Variants in TENM2 observed in about 807,000 individuals in gnomAD.
The protein encoded by TENM2 is teneurin-2.
Under a neutral mutation model 245.2 loss-of-function variants are expected in TENM2, and 52 were observed. The ratio of observed to expected loss-of-function variants is 0.21; its 90% CI spans 0.17 to 0.27. The LOEUF is 0.27. Ranked by LOEUF, TENM2 falls within the 10% of genes least tolerant of loss-of-function variation. The probability of loss-of-function intolerance (pLI) is 1.00; values close to 1 mark genes in which losing one functional copy is unlikely to be tolerated. For missense variants in TENM2, 3,046 were observed against 3,666.8 expected (o/e 0.83, Z 4.37); for synonymous variants, 1,363 against 1,438.9 (o/e 0.95, Z 1.19).
the TENM2 span, among the ~76,000 whole-genome samples, chr5:167,209,198 G>T: frequency 6.6e-6 from 1 of 152,052 alleles, no homozygotes; most frequent in Non-Finnish European, 1.5e-5. Flanking sequence ...ATAAATGAAA[G>T]AATGCGTATG....
chr5:167,437,255 G>T (rs575489349), intron 2 of TENM2, among the ~76,000 whole-genome samples: 2 of 152,316 alleles, frequency 1.3e-5, no homozygotes, highest in East Asian at 3.9e-4. Context: ...GCGAGACTTG[G>T]AATCAAAGGA....
At chr5:167,561,897 AAGAGAGAC>A (rs964668436) in intron 2 of TENM2, among the ~76,000 whole-genome samples, 3 of 152,236 alleles carry the variant, frequency 2.0e-5, no homozygotes, top group South Asian at 2.1e-4. Flanking sequence ...TAAAAATAAA[AAGAGAGAC>A]AGAGAGACAG....
intron 25 of TENM2, chr5:168,240,998 C>A (rs1021643848): frequency 2.2e-4 from 33 of 152,256 alleles, no homozygotes; most frequent in Admixed American, 2.2e-3. Flanking sequence ...GAAGACCTAT[C>A]TTTCTGACCA....
chr5:167,695,685 A>G (rs1283571318), intron 2 of TENM2, among the ~76,000 whole-genome samples: 2 of 151,816 alleles, frequency 1.3e-5, no homozygotes, highest in Non-Finnish European at 2.9e-5. Context: ...TTTACCCTCT[A>G]TCTGTGGCTA....
At chr5:167,863,436 GA>G (rs1561869290) in intron 2 of TENM2, among the ~76,000 whole-genome samples, 2 of 150,468 alleles carry the variant, frequency 1.3e-5, no homozygotes, top group African/African-American at 4.9e-5. Context: ...CCAACATGGT[GA>G]AATCCTGTCT....
At chr5:167,434,874 T>C (rs1270052014) in intron 2 of TENM2, among the ~76,000 whole-genome samples, 1 of 152,208 alleles carries the variant, frequency 6.6e-6, no homozygotes, top group Non-Finnish European at 1.5e-5. Context: ...TTTGACCTTA[T>C]GGAAAAGAAG....
At chr5:168,233,240 C>T (rs572423479) in intron 25 of TENM2, among the ~76,000 whole-genome samples, 3 of 152,186 alleles carry the variant, frequency 2.0e-5, no homozygotes, top group African/African-American at 4.8e-5. Flanking sequence ...GCAGGAGAAT[C>T]GCTTGAACCA....
intron 1 of TENM2, among the ~76,000 whole-genome samples, chr5:167,363,018 A>G (rs1178775058): frequency 1.3e-5 from 2 of 152,194 alleles, no homozygotes; most frequent in African/African-American, 2.4e-5. Flanking sequence ...AGGTGAGAAA[A>G]TGGAAACAGA....
chr5:167,189,008 T>A, the TENM2 span, among the ~76,000 whole-genome samples: 1 of 152,146 alleles, frequency 6.6e-6, no homozygotes, highest in African/African-American at 2.4e-5. Flanking sequence ...ATTTTAACAC[T>A]TTTTTCCTGT....
At chr5:168,234,218 G>A (rs553988861) in intron 25 of TENM2, among the ~76,000 whole-genome samples, 28 of 152,090 alleles carry the variant, frequency 1.8e-4, no homozygotes, top group Non-Finnish European at 3.2e-4. Flanking sequence ...ACAGCTAAGT[G>A]AACCCAGAGG....
At chr5:167,755,712 C>A (rs970245384) in intron 2 of TENM2, among the ~76,000 whole-genome samples, 41 of 152,210 alleles carry the variant, frequency 2.7e-4, no homozygotes, top group African/African-American at 9.4e-4. Context: ...AAAAGGAAGA[C>A]AGGGGAAATG....
At chr5:167,332,607 C>T (rs978698009) in intron 1 of TENM2, among the ~76,000 whole-genome samples, 11 of 152,156 alleles carry the variant, frequency 7.2e-5, no homozygotes, top group African/African-American at 1.9e-4. Flanking sequence ...GAGTAGCATG[C>T]GTTTATTCCT....
At chr5:167,017,018 A>G in the TENM2 span, among the ~76,000 whole-genome samples, 125,496 of 152,182 alleles carry the variant, frequency 0.82, 52,172 homozygotes, top group Admixed American at 0.9. Flanking sequence ...GGGAATTACT[A>G]TAACTTTATA....
chr5:167,758,660 G>T (rs560207443), intron 2 of TENM2, among the ~76,000 whole-genome samples: 2 of 152,126 alleles, frequency 1.3e-5, no homozygotes, highest in Non-Finnish European at 2.9e-5. Context: ...AGCACTTGCT[G>T]GTTGTTAGGA....
At chr5:167,834,941 C>A (rs566651348) in intron 2 of TENM2, among the ~76,000 whole-genome samples, 1 of 152,178 alleles carries the variant, frequency 6.6e-6, no homozygotes, top group South Asian at 2.1e-4. Context: ...TGAGCCACTG[C>A]GCCCGGCCTT....
chr5:167,831,007 T>C (rs904931781), intron 2 of TENM2, among the ~76,000 whole-genome samples: 4 of 152,210 alleles, frequency 2.6e-5, no homozygotes, highest in African/African-American at 9.6e-5. Context: ...CACCTCTGTC[T>C]GTCTTGCTCT....
the TENM2 span, among the ~76,000 whole-genome samples, chr5:167,210,753 G>A: frequency 5.3e-5 from 8 of 152,230 alleles, no homozygotes; most frequent in South Asian, 2.1e-4. Flanking sequence ...GTGAGCCACC[G>A]CGCCCGGCCT....
At chr5:167,896,100 G>C (rs1384932076) in intron 3 of TENM2, among the ~76,000 whole-genome samples, 1 of 152,222 alleles carries the variant, frequency 6.6e-6, no homozygotes, top group Non-Finnish European at 1.5e-5. Flanking sequence ...GATAGATGTC[G>C]ACCCAGTGCC....
intron 2 of TENM2, among the ~76,000 whole-genome samples, chr5:167,753,996 T>A (rs189093573): frequency 6.6e-6 from 1 of 152,112 alleles, no homozygotes; most frequent in Non-Finnish European, 1.5e-5. Context: ...GGAGTTGGGA[T>A]GCATTGTTTC....
Sources: gnomAD v4.1 joint callset for allele counts (sites outside exome capture counted in the v4.1 genomes callset) on GRCh38, gnomAD v4.1.1 for gene constraint, MANE v1.5 for transcripts, NCBI Gene and HGNC (gene_info 2026-07-23, HGNC 2026-07-21) for gene names.